The following ANGPT2 variants were observed in gnomAD, a reference collection of about 807,000 sequenced individuals.
ANGPT2 encodes the protein angiopoietin 2, also known as angiopoietin-2.
A neutral mutation model predicts 62.9 loss-of-function variants in ANGPT2; 28 were observed. That is an observed-to-expected ratio of 0.44 (90% CI 0.33 to 0.61). ANGPT2 has a LOEUF of 0.61. Among genes scored for constraint, ANGPT2 ranks in the 20% least tolerant of loss-of-function variants. The probability of loss-of-function intolerance (pLI) is 0.03; values close to 1 mark genes in which losing one functional copy is unlikely to be tolerated. For synonymous variants in ANGPT2, 284 were observed against 207.8 expected (o/e 1.37, Z -3.15); for missense variants, 727 against 594.9 (o/e 1.22, Z -2.31).
chr8:6,540,910 G>T (rs1275369325), intron 1 of ANGPT2, among the ~76,000 whole-genome samples: 1 of 152,272 alleles, frequency 6.6e-6, no homozygotes, highest in Non-Finnish European at 1.5e-5. Flanking sequence ...CTCCCAAGGA[G>T]CCCTGGGACA....
At chr8:6,514,006 A>C (rs890256579) in intron 6 of ANGPT2, among the ~76,000 whole-genome samples, 162 bp from the exon 7 acceptor site, 3 of 152,216 alleles carry the variant, frequency 2.0e-5, no homozygotes, top group Non-Finnish European at 4.4e-5. Flanking sequence ...ATGGATTTTA[A>C]ATAGGTCAGT....
intron 1 of ANGPT2, among the ~76,000 whole-genome samples, chr8:6,557,365 A>G (rs1464944377): frequency 6.6e-6 from 1 of 152,104 alleles, no homozygotes; most frequent in African/African-American, 2.4e-5. Context: ...GGGCAAAATG[A>G]GGTGAGGTGT....
intron 1 of ANGPT2, 73 bp downstream of exon 1, chr8:6,562,574 T>TTTTTAAAAAC: frequency 1.7e-6 from 1 of 583,796 alleles, no homozygotes; most frequent in African/African-American, 1.9e-5. Context: ...TTTTTTTTGG[T>TTTTTAAAAAC]TGTTAAAACC....
At chr8:6,551,311 A>G (rs1823613280) in intron 1 of ANGPT2, among the ~76,000 whole-genome samples, 1 of 152,204 alleles carries the variant, frequency 6.6e-6, no homozygotes, top group African/African-American at 2.4e-5. Flanking sequence ...GAAAGGAAGA[A>G]TAGTGTGCCA....
At chr8:6,550,846 A>G (rs913775453) in intron 1 of ANGPT2, among the ~76,000 whole-genome samples, 1 of 152,192 alleles carries the variant, frequency 6.6e-6, no homozygotes, top group Non-Finnish European at 1.5e-5. Flanking sequence ...TGCACCTGAT[A>G]AATGCCAGCT....
At chr8:6,536,369 C>T (rs1356830463) in intron 1 of ANGPT2, among the ~76,000 whole-genome samples, 1 of 151,116 alleles carries the variant, frequency 6.6e-6, no homozygotes, top group Non-Finnish European at 1.5e-5. Context: ...AATGTTAGCT[C>T]AACCCAGAGG....
chr8:6,519,450 G>A (rs1035328602), intron 5 of ANGPT2, among the ~76,000 whole-genome samples: 2 of 152,162 alleles, frequency 1.3e-5, no homozygotes, highest in African/African-American at 4.8e-5. Context: ...AAATGACTTT[G>A]ACACAGCAGT....
chr8:6,562,145 A>C (rs918112084), intron 1 of ANGPT2, among the ~76,000 whole-genome samples: 4 of 152,206 alleles, frequency 2.6e-5, no homozygotes, highest in Admixed American at 2.6e-4. Flanking sequence ...AACCTATTTT[A>C]GTAAATAAAT....
chr8:6,557,427 G>T (rs993131957), intron 1 of ANGPT2, among the ~76,000 whole-genome samples: 5 of 152,152 alleles, frequency 3.3e-5, no homozygotes, highest in Admixed American at 6.5e-5. Context: ...TGCTGCCTTC[G>T]TGATGACTGG....
intron 1 of ANGPT2, among the ~76,000 whole-genome samples, chr8:6,561,657 T>C (rs549576941): frequency 6.6e-6 from 1 of 152,374 alleles, no homozygotes; most frequent in East Asian, 1.9e-4. Context: ...AATGGCATCA[T>C]CATGCTACTT....
chr8:6,539,639 T>C (rs910075830), intron 1 of ANGPT2, among the ~76,000 whole-genome samples: 7 of 152,172 alleles, frequency 4.6e-5, no homozygotes, highest in African/African-American at 1.7e-4. Context: ...CAGGCTGGAG[T>C]GCAGCGGCGT....
intron 5 of ANGPT2, among the ~76,000 whole-genome samples, chr8:6,518,209 A>G (rs574191506): frequency 4.6e-5 from 7 of 152,268 alleles, no homozygotes; most frequent in African/African-American, 1.7e-4. Flanking sequence ...TGGCATCCCC[A>G]TTTCACATGC....
chr8:6,532,175 G>A (rs1819646582), intron 2 of ANGPT2, among the ~76,000 whole-genome samples, 157 bp downstream of exon 2: 3 of 152,100 alleles, frequency 2.0e-5, no homozygotes, highest in South Asian at 4.2e-4. Flanking sequence ...TAATTCATAA[G>A]CAGCCATACA....
chr8:6,527,593 G>T lies in ANGPT2; in HGVS notation c.528C>A (p.Asp176Glu). 1.2e-6 allele frequency: 2 copies of T among 1,613,868 alleles called. No individual in the cohort carries two copies. Among genetic ancestry groups the T allele is most frequent in the Non-Finnish European group, 1.7e-6 (2 of 1,179,950 alleles). ...GCAATTTGTTTATTTCACTGGTCTG[G>T]TCCAAAATCTGTTTTTCCAATTTGT... ...STNKLEKQIL[D>E]QTSEINKLQD... is the part of the protein sequence containing the mutation. Residue 176 changes from aspartate to glutamate, a missense_variant, in exon 3 of 9, where the codon GAC (aspartate) becomes GAA (glutamate). By Grantham distance (45) the Asp-to-Glu change is conservative. Transcript: ENST00000629816.
chr8:6,549,450 G>T (rs78900472), intron 1 of ANGPT2, among the ~76,000 whole-genome samples: 6,302 of 152,308 alleles, frequency 0.041, 187 homozygotes, highest in East Asian at 0.091. Flanking sequence ...AGAAGAGGGG[G>T]ATATTGACGA....
intron 2 of ANGPT2, among the ~76,000 whole-genome samples, chr8:6,531,465 A>AT (rs1294574779): frequency 6.6e-6 from 1 of 150,974 alleles, no homozygotes; most frequent in Non-Finnish European, 1.5e-5. Context: ...ATTTGTTTGT[A>AT]TTTTTTAGTA....
At chr8:6,522,943 T>G (rs1174894329) in intron 3 of ANGPT2, among the ~76,000 whole-genome samples, 2 of 152,050 alleles carry the variant, frequency 1.3e-5, no homozygotes, top group East Asian at 3.9e-4. Context: ...TAACCAGCGC[T>G]ATGGCATGTA....
intron 1 of ANGPT2, among the ~76,000 whole-genome samples, chr8:6,543,353 G>A (rs1451236379): frequency 2.0e-5 from 3 of 152,140 alleles, no homozygotes; most frequent in East Asian, 1.9e-4. Context: ...GCTCTCCAAC[G>A]AACTGCTCCT....
chr8:6,522,038 G>A (rs1422963272), intron 3 of ANGPT2, among the ~76,000 whole-genome samples: 1 of 152,164 alleles, frequency 6.6e-6, no homozygotes, highest in Non-Finnish European at 1.5e-5. Flanking sequence ...CATGGGGTTG[G>A]TGTGAGGAAC....
Sources: allele counts gnomAD v4.1 joint callset (sites outside exome capture counted in the v4.1 genomes callset), GRCh38; gene constraint gnomAD v4.1.1; transcripts MANE v1.5; gene names NCBI Gene and HGNC (gene_info 2026-07-23, HGNC 2026-07-21).